ITGA9: variants seen among roughly 807,000 people sequenced by gnomAD.
ITGA9 encodes the protein integrin subunit alpha 9, also known as integrin alpha-9.
Under a neutral mutation model 127.8 loss-of-function variants are expected in ITGA9, and 56 were observed. That is an observed-to-expected ratio of 0.44 (90% confidence interval 0.35 to 0.55). ITGA9 has a LOEUF of 0.55. ITGA9 is among the 20% of genes least tolerant of loss of function. The probability of loss-of-function intolerance (pLI) is 0.00; values close to 1 mark genes in which losing one functional copy is unlikely to be tolerated. For missense variants in ITGA9, 1,196 were observed against 1,347.1 expected (o/e 0.89, Z 1.76); for synonymous variants, 508 against 514.5 (o/e 0.99, Z 0.17).
intron 15 of ITGA9, among the ~76,000 whole-genome samples, chr3:37,611,961 G>A (rs1399021724): frequency 1.3e-5 from 2 of 152,046 alleles, no homozygotes; most frequent in East Asian, 1.9e-4. Flanking sequence ...TGCCTTGGCC[G>A]AAACATCTAT....
chr3:37,460,297 A>G (rs1026492336), intron 1 of ITGA9, among the ~76,000 whole-genome samples: 1 of 152,232 alleles, frequency 6.6e-6, no homozygotes, highest in African/African-American at 2.4e-5. Flanking sequence ...GTATCCTCAA[A>G]TATTTGAACA....
intron 15 of ITGA9, among the ~76,000 whole-genome samples, chr3:37,600,597 T>C (rs1222746166): frequency 3.3e-5 from 5 of 152,150 alleles, no homozygotes; most frequent in African/African-American, 1.2e-4. Context: ...GGGTTCAGCA[T>C]TGAGATATGA....
intron 15 of ITGA9, among the ~76,000 whole-genome samples, chr3:37,552,667 A>G (rs1362813015): frequency 6.6e-6 from 1 of 152,166 alleles, no homozygotes. Context: ...GTGTGCATGC[A>G]TGTACTCCAG....
chr3:37,792,404 C>T (rs755645932), intron 26 of ITGA9, among the ~76,000 whole-genome samples: 6 of 152,150 alleles, frequency 3.9e-5, no homozygotes, highest in Non-Finnish European at 5.9e-5. Context: ...CAGGGAGTAG[C>T]CTGCTTTAGA....
intron 23 of ITGA9, among the ~76,000 whole-genome samples, chr3:37,769,792 T>C (rs58207859): frequency 0.039 from 5,954 of 152,288 alleles, 283 homozygotes; most frequent in South Asian, 0.14. Context: ...AGGGGCTGAC[T>C]TCCTGGTGGA....
chr3:37,666,797 C>G (rs1700590756), intron 17 of ITGA9, among the ~76,000 whole-genome samples: 1 of 152,230 alleles, frequency 6.6e-6, no homozygotes, highest in Non-Finnish European at 1.5e-5. Context: ...TCCAGAGAGG[C>G]TGTCAATCAG....
At chr3:37,794,256 G>A (rs1351406884) in intron 26 of ITGA9, among the ~76,000 whole-genome samples, 4 of 152,238 alleles carry the variant, frequency 2.6e-5, no homozygotes, top group African/African-American at 4.8e-5. Context: ...CAGCCGGTCA[G>A]TGGAAGAGGA....
At chr3:37,600,322 A>G (rs955871338) in intron 15 of ITGA9, among the ~76,000 whole-genome samples, 7 of 152,280 alleles carry the variant, frequency 4.6e-5, no homozygotes, top group Admixed American at 6.5e-5. Context: ...AGAACCACCC[A>G]TCACCTCTGG....
intron 23 of ITGA9, among the ~76,000 whole-genome samples, chr3:37,754,792 G>A (rs9835419): frequency 0.057 from 8,736 of 152,184 alleles, 745 homozygotes; most frequent in African/African-American, 0.19. Flanking sequence ...ACAGTAGACA[G>A]GCCTACCCAT....
intron 25 of ITGA9, among the ~76,000 whole-genome samples, chr3:37,783,127 A>G (rs1696997769): frequency 6.6e-6 from 1 of 151,654 alleles, no homozygotes; most frequent in African/African-American, 2.4e-5. Flanking sequence ...CAACAGAGCG[A>G]GACTCTGTCT....
In ITGA9 at chr3:37,670,955, G is replaced by A. The variant is rs1006958921; in HGVS notation, c.1917-12910G>A. On this transcript the variant is annotated intron_variant, in intron 17 of 27. Coordinates refer to ENST00000264741, the MANE Select transcript of ITGA9 (RefSeq NM_002207.3). ...TGGGCTTTCTTGAGCTGTCTGCCCC[G>A]CTAGCTTTGATGAAATGCACATACA... Among the ~76,000 whole-genome samples, 8 of 152,292 alleles carry A rather than the reference G, an allele frequency of 5.3e-5. No individual in the cohort carries two copies. In the South Asian group the frequency reaches 1.0e-3, roughly 20 times the overall value.
At chr3:37,703,040 T>C (rs1178693548) in intron 18 of ITGA9, among the ~76,000 whole-genome samples, 2 of 152,130 alleles carry the variant, frequency 1.3e-5, no homozygotes, top group East Asian at 3.9e-4. Flanking sequence ...CCCTTACTGG[T>C]CTCCCTGGGG....
At chr3:37,768,342 T>A (rs28759254) in intron 23 of ITGA9, among the ~76,000 whole-genome samples, 285 of 152,294 alleles carry the variant, frequency 1.9e-3, no homozygotes, top group African/African-American at 6.5e-3. Flanking sequence ...CATTTCTCAG[T>A]TATTGTATGA....
chr3:37,546,314 A>G (rs1395046723), intron 15 of ITGA9, among the ~76,000 whole-genome samples: 1 of 152,228 alleles, frequency 6.6e-6, no homozygotes, highest in Admixed American at 6.5e-5. Flanking sequence ...AAGACATACT[A>G]GCACCGCGCT....
At chr3:37,817,456 G>A (rs1239057940) in intron 27 of ITGA9, among the ~76,000 whole-genome samples, 2 of 152,136 alleles carry the variant, frequency 1.3e-5, no homozygotes, top group Non-Finnish European at 2.9e-5. Flanking sequence ...AAAAACTGTT[G>A]GAGAGCAGGG....
At chr3:37,627,418 G>A (rs1156317350) in intron 15 of ITGA9, among the ~76,000 whole-genome samples, 2 of 152,038 alleles carry the variant, frequency 1.3e-5, no homozygotes, top group Non-Finnish European at 2.9e-5. Flanking sequence ...CTGCCCTCCA[G>A]TGTCTCTGCA....
intron 6 of ITGA9, 21 bp downstream of exon 6, chr3:37,503,328 C>T (rs1231871821): frequency 1.9e-6 from 3 of 1,613,234 alleles, no homozygotes; most frequent in Non-Finnish European, 2.5e-6. Context: ...AGGGAGAGAA[C>T]AGGTAAGAAA....
chr3:37,619,000 G>T (rs1700102353), intron 15 of ITGA9, among the ~76,000 whole-genome samples: 1 of 152,154 alleles, frequency 6.6e-6, no homozygotes. Flanking sequence ...CCCCAGTGAG[G>T]TGAACCCAGT....
At chr3:37,653,117 G>C (rs933281162) in intron 16 of ITGA9, among the ~76,000 whole-genome samples, 4 of 152,238 alleles carry the variant, frequency 2.6e-5, no homozygotes, top group African/African-American at 9.6e-5. Context: ...AAAAGGCACT[G>C]TGTCCCTGTT....
Sources: allele counts gnomAD v4.1 joint callset (sites outside exome capture counted in the v4.1 genomes callset), GRCh38; gene constraint gnomAD v4.1.1; transcripts MANE v1.5; gene names NCBI Gene and HGNC (gene_info 2026-07-23, HGNC 2026-07-21).